The following STAB2 variants were observed in gnomAD, a reference collection of about 807,000 sequenced individuals.
STAB2 encodes the protein stabilin 2.
A neutral mutation model predicts 338.1 loss-of-function variants in STAB2; 288 were observed. The ratio of observed to expected loss-of-function variants is 0.85; its 90% confidence interval spans 0.77 to 0.94. STAB2 has a LOEUF of 0.94. STAB2 is among the 40% of genes least tolerant of loss of function. The pLI is 0.00. For synonymous variants in STAB2, 1,202 were observed against 1,193.3 expected (o/e 1.01, Z -0.15); for missense variants, 3,141 against 3,210.1 (o/e 0.98, Z 0.52).
intron 60 of STAB2, 91 bp downstream of exon 60, chr12:103,750,811 C>G: frequency 6.9e-7 from 1 of 1,454,680 alleles, no homozygotes. Context: ...ACAAAACAGG[C>G]CAAGCCTGGT....
At chr12:103,702,218 C>G (rs1054694330) in intron 34 of STAB2, among the ~76,000 whole-genome samples, 2 of 151,298 alleles carry the variant, frequency 1.3e-5, no homozygotes, top group African/African-American at 4.9e-5. Flanking sequence ...AGACTTCATA[C>G]CCATGCCTTG....
At chr12:103,763,225 A>G (rs1449244434) in intron 67 of STAB2, 1 of 395,692 alleles carries the variant, frequency 2.5e-6, no homozygotes, top group South Asian at 3.5e-5. Flanking sequence ...CCAGCAGGCT[A>G]AGAGCATGTG....
chr12:103,693,813 T>C (rs1460432458), intron 31 of STAB2, among the ~76,000 whole-genome samples: 5 of 152,162 alleles, frequency 3.3e-5, no homozygotes, highest in Non-Finnish European at 7.4e-5. Flanking sequence ...GGAACTTTTG[T>C]AAGATGGAAG....
At chr12:103,703,125 A>G (rs1879048666) in intron 34 of STAB2, 23 bp from the exon 35 acceptor site, 5 of 1,602,662 alleles carry the variant, frequency 3.1e-6, no homozygotes, top group Non-Finnish European at 4.2e-6. Flanking sequence ...ATAAAAAGTG[A>G]CATTTAACCC....
chr12:103,708,972 A>AC (rs1243558002), intron 39 of STAB2, among the ~76,000 whole-genome samples: 1 of 152,158 alleles, frequency 6.6e-6, no homozygotes, highest in Non-Finnish European at 1.5e-5. Flanking sequence ...TCTCTCAAAC[A>AC]CTGCTACAAT....
intron 19 of STAB2, 46 bp downstream of exon 19, chr12:103,666,399 C>T: frequency 6.2e-7 from 1 of 1,602,630 alleles, no homozygotes. Flanking sequence ...CAAGCAGCCC[C>T]ACTGGTGTGG....
In STAB2 at chr12:103,731,587, G is replaced by A. The variant is rs746334046; in HGVS notation, c.5235G>A (p.Thr1745=). 4.1e-5 allele frequency: 66 copies of A among 1,613,536 alleles called. No homozygotes were observed. The highest frequency in any genetic ancestry group is 3.3e-4 in the Middle Eastern group (2 of 6,084). The change falls in exon 50 of 69, where the codon ACG becomes ACA. Residue 1745 remains threonine, a synonymous_variant. Transcript: ENST00000388887. ...DNSGRILQNL[T]TLATNNGYIK... ...TATTATCTTTGCAGCAAAATCTTAC[G>A]ACTTTGGCAACAAACAATGGCTACA...
At position 103,706,934 on chromosome 12, in the gene STAB2, G is replaced by A; in HGVS notation, c.4139G>A (p.Gly1380Asp). The stretch of plus-strand genomic sequence containing the variant: ...TGTGAGTGTGGGGAGGGCTTCAGCG[G>A]CACAGCCTGCGAGACCTGCACCGAG... ...GVCECGEGFSGTACETCTEGK... is the reference protein window; with the variant it reads ...GVCECGEGFSDTACETCTEGK... Residue 1380 changes from glycine to aspartate, a missense_variant, in exon 38 of 69, where the codon GGC becomes GAC. Coordinates refer to ENST00000388887, the MANE Select transcript of STAB2 (RefSeq NM_017564.10). 1 of 1,614,186 alleles carries A rather than the reference G, an allele frequency of 6.2e-7. No homozygotes were observed. Among genetic ancestry groups the A allele is most frequent in the South Asian group, 1.1e-5 (1 of 91,074 alleles).
chr12:103,632,041 T>C (rs1156797009), intron 6 of STAB2, among the ~76,000 whole-genome samples: 2 of 152,072 alleles, frequency 1.3e-5, no homozygotes, highest in Non-Finnish European at 2.9e-5. Context: ...GTAAAGGAGA[T>C]ACAGCATCTT....
intron 10 of STAB2, among the ~76,000 whole-genome samples, chr12:103,649,474 A>G (rs185334492): frequency 9.8e-4 from 149 of 152,338 alleles, no homozygotes; most frequent in African/African-American, 3.2e-3. Flanking sequence ...ATTGGACACA[A>G]CTTCCAATAA....
Position 103,663,007 on chromosome 12 carries a change from A to C in STAB2, c.2022+9A>C. ...AGAGAGAGATGAAACTGGTAAGAAA[A>C]CTAGGAAAATAAGTAAGGGCCCCAA... On this transcript the variant is annotated intron_variant, in intron 18 of 68. Transcript: ENST00000388887. The C allele has an allele frequency of 1.9e-6, 3 of 1,613,854 alleles. No individual in the cohort carries two copies. The highest frequency in any genetic ancestry group is 2.5e-6 in the Non-Finnish European group (3 of 1,179,880).
At chr12:103,642,063 C>G (rs1422319307) in intron 9 of STAB2, among the ~76,000 whole-genome samples, 1 of 152,192 alleles carries the variant, frequency 6.6e-6, no homozygotes, top group Non-Finnish European at 1.5e-5. Context: ...CTACCACTCC[C>G]CCTGGGGTGA....
intron 1 of STAB2, 63 bp downstream of exon 1, chr12:103,587,620 C>T (rs1956731127): frequency 1.4e-6 from 2 of 1,397,798 alleles, no homozygotes; most frequent in Non-Finnish European, 2.0e-6. Context: ...AAAAGCTTGT[C>T]GTTTTCCTCT....
intron 22 of STAB2, 46 bp from the exon 23 acceptor site, chr12:103,673,861 C>T: frequency 1.3e-6 from 2 of 1,577,220 alleles, no homozygotes; most frequent in South Asian, 1.2e-5. Flanking sequence ...CAGTGCTTGG[C>T]TTGTCCCCAA....
chr12:103,652,541 G>T lies in STAB2; in HGVS notation c.1258-15G>T. 6.5e-7 allele frequency: 1 copy of T among 1,534,756 alleles called. No individual in the cohort carries two copies. Among genetic ancestry groups the T allele is most frequent in the Non-Finnish European group, 8.8e-7 (1 of 1,142,108 alleles). ...TCTTCTTCAAATAATAGTAAAATTGGCTCTTCTCTCTTAGGTAAATGAGCT... is the reference window on the plus strand; with the variant it reads ...TCTTCTTCAAATAATAGTAAAATTGTCTCTTCTCTCTTAGGTAAATGAGCT... On this transcript the variant is annotated splice_polypyrimidine_tract_variant and intron_variant, in intron 11 of 68. Transcript: ENST00000388887.
Position 103,660,363 on chromosome 12 carries a change from C to G in STAB2, c.1767C>G (p.Tyr589Ter). The G allele has an allele frequency of 1.2e-6, 2 of 1,614,154 alleles. No homozygotes were observed. Among genetic ancestry groups the G allele is most frequent in the Non-Finnish European group, 1.7e-6 (2 of 1,180,030 alleles). ...GSRKLLELVR[Y>*]HIVPFTQLEV... is the part of the protein sequence containing the mutation. The stretch of plus-strand genomic sequence containing the variant: ...GGAAGCTTCTGGAACTCGTCAGATA[C>G]CACATTGTCCCATTTACCCAGGTTG... The change falls in exon 16 of 69, where the codon TAC becomes TAG. Residue 589 changes from tyrosine (Y) to a stop codon, truncating the protein, a stop_gained. Transcript: ENST00000388887. LOFTEE classifies it high-confidence loss of function.
intron 9 of STAB2, among the ~76,000 whole-genome samples, chr12:103,646,047 G>A (rs1186785962): frequency 6.6e-6 from 1 of 152,138 alleles, no homozygotes; most frequent in Admixed American, 6.5e-5. Flanking sequence ...ACTTTGGGAG[G>A]CCAAAACTCC....
At position 103,607,096 on chromosome 12, in the gene STAB2, C is replaced by T. The variant is rs530575096; in HGVS notation, c.331+12586C>T. On this transcript the variant is annotated intron_variant, in intron 3 of 68. Coordinates refer to ENST00000388887, the MANE Select transcript of STAB2 (RefSeq NM_017564.10). ...TTTCCCTTTGGCTGCTTTTAATTTACTTTTTATCACTGGTTCTAAGGAATT... is the reference window on the plus strand; with the variant it reads ...TTTCCCTTTGGCTGCTTTTAATTTATTTTTTATCACTGGTTCTAAGGAATT... 5.3e-5 allele frequency among the ~76,000 whole-genome samples: 8 copies of T among 152,244 alleles called. No individual in the cohort carries two copies. In the East Asian group the frequency reaches 1.5e-3, roughly 29 times the overall value.
At chr12:103,709,558 T>C (rs1879666880) in intron 39 of STAB2, among the ~76,000 whole-genome samples, 1 of 152,222 alleles carries the variant, frequency 6.6e-6, no homozygotes, top group Non-Finnish European at 1.5e-5. Context: ...AAGTGATTGC[T>C]AGCCTAGTGG....
Sources: allele counts gnomAD v4.1 joint callset (sites outside exome capture counted in the v4.1 genomes callset), GRCh38; gene constraint gnomAD v4.1.1; transcripts MANE v1.5; gene names NCBI Gene and HGNC (gene_info 2026-07-23, HGNC 2026-07-21).